Variants in PCDHA2 observed in about 807,000 individuals in gnomAD.
The protein encoded by PCDHA2 is protocadherin alpha 2, also known as protocadherin alpha-2.
Under a neutral mutation model 66.0 loss-of-function variants are expected in PCDHA2, and 58 were observed. The ratio of observed to expected loss-of-function variants is 0.88; its 90% CI spans 0.71 to 1.09. The LOEUF is 1.09. Among genes scored for constraint, PCDHA2 ranks in the 50% least tolerant of loss-of-function variants. The probability of loss-of-function intolerance (pLI) is 0.00; values close to 1 mark genes in which losing one functional copy is unlikely to be tolerated. For missense variants in PCDHA2, 1,267 were observed against 1,242.3 expected, an observed-to-expected ratio of 1.02 and a Z score of -0.30; for synonymous variants, 634 against 554.0, an observed-to-expected ratio of 1.14 and a Z score of -2.03.
intron 1 of PCDHA2, chr5:140,849,795 T>C (rs2150450595): frequency 6.3e-7 from 1 of 1,598,164 alleles, no homozygotes; most frequent in Non-Finnish European, 8.6e-7. Flanking sequence ...GGGCTCGCCT[T>C]CACTGTGGGC....
chr5:140,862,339 C>T (rs1221529489), intron 1 of PCDHA2: 2 of 332,834 alleles, frequency 6.0e-6, no homozygotes, highest in Non-Finnish European at 1.2e-5. Context: ...TTGACCCTAA[C>T]TTCAGTGCCA....
intron 1 of PCDHA2, among the ~76,000 whole-genome samples, chr5:140,941,281 C>G (rs12652617): frequency 1.4e-5 from 1 of 69,002 alleles, no homozygotes. Flanking sequence ...TTCCTTCCTT[C>G]CTTTCTCTTT....
In PCDHA2 at chr5:141,010,797, AC is replaced by A. The variant is rs1329759215; in HGVS notation, c.*864del. Reference sequence around the variant, plus strand: ...AATACTTATGCAAAAGCAAAAGAAAACCCCGACACCTCACCTTTCGCTGTTT... The same window carrying A: ...AATACTTATGCAAAAGCAAAAGAAAACCCGACACCTCACCTTTCGCTGTTT... On this transcript the variant is annotated 3_prime_UTR_variant, in exon 4 of 4. Transcript: ENST00000526136. The A allele has an allele frequency of 6.5e-6, 1 of 153,778 alleles. No homozygotes were observed. The highest frequency in any genetic ancestry group is 2.4e-5 in the African/African-American group (1 of 41,460). 9.5% of individuals were successfully genotyped at this position (153,778 alleles called of 1,614,324 possible).
At chr5:140,933,351 T>C (rs2089082227) in intron 1 of PCDHA2, among the ~76,000 whole-genome samples, 1 of 152,024 alleles carries the variant, frequency 6.6e-6, no homozygotes, top group South Asian at 2.1e-4. Flanking sequence ...AAACACTTTA[T>C]TTCTAACCCA....
intron 1 of PCDHA2, chr5:140,828,846 T>C (rs1554131594): frequency 2.5e-6 from 4 of 1,614,040 alleles, no homozygotes. Context: ...GTAAGAATAT[T>C]CGAAAATGCA....
At position 140,871,521 on chromosome 5, in the gene PCDHA2, C is replaced by T. The variant is rs1554165698; in HGVS notation, c.2388+74169C>T. 3.2e-6 allele frequency: 5 copies of T among 1,553,236 alleles called. No individual in the cohort carries two copies. In the Admixed American group the frequency reaches 1.0e-4, roughly 31 times the overall value. On this transcript the variant is annotated intron_variant, in intron 1 of 3. Transcript: ENST00000526136. ...TGAGTTTTCTACAGATTCCACCTAT[C>T]AGGAAGTGTATGTGAAATTATTTAA...
In PCDHA2 at chr5:140,915,626, GTCTCTCTC is replaced by G. The variant is rs57920489; in HGVS notation, c.2389-63300_2389-63293del. ...ACTTTCTGTCAAACAGTCTCTTTCT[GTCTCTCTC>G]TCTCTCTCTCTCTCTCTCTCTCAAG... is the stretch of plus-strand genomic sequence containing the variant. On this transcript the variant is annotated intron_variant, in intron 1 of 3. Transcript: ENST00000526136. Among the ~76,000 whole-genome samples, 662 of 146,534 alleles carry G rather than the reference GTCTCTCTC, an allele frequency of 4.5e-3. 3 individuals are homozygous for G. The highest frequency in any genetic ancestry group is 0.016 in the African/African-American group (641 of 39,750).
At chr5:140,921,663 T>G (rs1427342485) in intron 1 of PCDHA2, among the ~76,000 whole-genome samples, 1 of 152,144 alleles carries the variant, frequency 6.6e-6, no homozygotes, top group Admixed American at 6.5e-5. Flanking sequence ...TAATAAAAAT[T>G]TAACAGTTAT....
At chr5:140,838,543 T>C (rs1421001840) in intron 1 of PCDHA2, among the ~76,000 whole-genome samples, 2 of 152,028 alleles carry the variant, frequency 1.3e-5, no homozygotes, top group Non-Finnish European at 2.9e-5. Flanking sequence ...GGATATATCA[T>C]GATTTATTCA....
In PCDHA2 at chr5:140,843,615, C is replaced by A. The variant is rs111750019; in HGVS notation, c.2388+46263C>A. ...AGGGTGTGCTCTGGTGAGGGGCCAC[C>A]GAAGACGGACCTCATGGCCTTCAGC... On this transcript the variant is annotated intron_variant, in intron 1 of 3. Transcript: ENST00000526136. 4.2e-5 allele frequency: 67 copies of A among 1,596,016 alleles called. 5 individuals are homozygous for A. In the African/African-American group the frequency reaches 5.8e-4, roughly 14 times the overall value.
At chr5:140,960,922 G>C (rs562658138) in intron 1 of PCDHA2, among the ~76,000 whole-genome samples, 1 of 152,272 alleles carries the variant, frequency 6.6e-6, no homozygotes, top group East Asian at 1.9e-4. Flanking sequence ...ATAGAAAATT[G>C]GTACTAAGTT....
intron 1 of PCDHA2, among the ~76,000 whole-genome samples, chr5:140,947,749 T>TC (rs1316656181): frequency 6.6e-6 from 1 of 151,628 alleles, no homozygotes; most frequent in Non-Finnish European, 1.5e-5. Flanking sequence ...TCTTATGTAT[T>TC]TTATGGTTTA....
intron 1 of PCDHA2, among the ~76,000 whole-genome samples, chr5:140,941,848 G>A (rs2093183003): frequency 6.6e-6 from 1 of 152,142 alleles, no homozygotes; most frequent in South Asian, 2.1e-4. Flanking sequence ...GCCATTACCT[G>A]ATATTCCCTA....
At chr5:140,912,844 C>T (rs960802369) in intron 1 of PCDHA2, among the ~76,000 whole-genome samples, 16 of 152,150 alleles carry the variant, frequency 1.1e-4, no homozygotes, top group Admixed American at 2.6e-4. Context: ...AATGCTTTTT[C>T]AGCATCAATT....
rs546684407 is a variant in PCDHA2 at position 140,870,806 on chromosome 5, A to G, written c.2388+73454A>G. 6.2e-6 allele frequency: 10 copies of G among 1,613,688 alleles called. No individual in the cohort carries two copies. In the Admixed American group the frequency reaches 1.7e-4, roughly 27 times the overall value. ...AACGCGCCGGCACTGCTGGCGACTC[A>G]GGCTGGCAGCGCGGGAGGCGCAGTT... is the stretch of plus-strand genomic sequence containing the variant. On this transcript the variant is annotated intron_variant, in intron 1 of 3. Transcript: ENST00000526136.
At chr5:140,963,128 T>A (rs1283011021) in intron 1 of PCDHA2, among the ~76,000 whole-genome samples, 1 of 152,144 alleles carries the variant, frequency 6.6e-6, no homozygotes, top group African/African-American at 2.4e-5. Context: ...AGAGATAATA[T>A]TAAATTATTT....
chr5:140,796,215 C>A lies in PCDHA2; in HGVS notation c.1251C>A (p.Ser417Arg), dbSNP rs782215868. 3.1e-6 allele frequency: 5 copies of A among 1,614,198 alleles called. No homozygotes were observed. The highest frequency in any genetic ancestry group is 4.2e-6 in the Non-Finnish European group (5 of 1,180,046). The change falls in exon 1 of 4, where the codon AGC (serine) becomes AGA (arginine). Residue 417 changes from serine to arginine, a missense_variant. By Grantham distance (110) the Ser-to-Arg change is moderately radical. Transcript: ENST00000526136. Reference protein sequence around the residue: ...LVLDSALDRESVSAYELVVTA... With the variant: ...LVLDSALDRERVSAYELVVTA... ...TGGACAGCGCCCTGGACCGCGAGAG[C>A]GTGTCAGCCTATGAGCTGGTGGTGA... is the stretch of plus-strand genomic sequence containing the variant.
intron 3 of PCDHA2, among the ~76,000 whole-genome samples, chr5:141,003,433 T>G (rs1479468480): frequency 2.0e-5 from 3 of 152,112 alleles, no homozygotes; most frequent in African/African-American, 7.2e-5. Flanking sequence ...TGCCTCAGCC[T>G]CCCAAGTAGA....
intron 1 of PCDHA2, chr5:140,829,300 T>C (rs2150165566): frequency 6.2e-7 from 1 of 1,614,244 alleles, no homozygotes; most frequent in Non-Finnish European, 8.5e-7. Flanking sequence ...CCTTCAAGAA[T>C]TACTACTCGT....
Sources: allele counts gnomAD v4.1 joint callset (sites outside exome capture counted in the v4.1 genomes callset), GRCh38; gene constraint gnomAD v4.1.1; transcripts MANE v1.5; gene names NCBI Gene and HGNC (gene_info 2026-07-23, HGNC 2026-07-21).